VPS16: variants seen among roughly 807,000 people sequenced by gnomAD.
VPS16 encodes vacuolar protein sorting-associated protein 16 homolog.
VPS16 carries 82 observed loss-of-function variants against 116.0 expected under a neutral mutation model. The ratio of observed to expected loss-of-function variants is 0.71; its 90% CI spans 0.59 to 0.85. The LOEUF is 0.85. VPS16 is among the 40% of genes least tolerant of loss of function. VPS16 has a pLI of 0.00. For missense variants in VPS16, 928 were observed against 1,090.6 expected (o/e 0.85, Z 2.10); for synonymous variants, 406 against 420.7 (o/e 0.96, Z 0.43).
At chr20:2,846,392 C>T (rs1276068310) in intron 1 of VPS16, among the ~76,000 whole-genome samples, 4 of 152,046 alleles carry the variant, frequency 2.6e-5, no homozygotes, top group Admixed American at 6.5e-5. Flanking sequence ...GCTGGGATTA[C>T]AGGCATAAGC....
intron 1 of VPS16, among the ~76,000 whole-genome samples, chr20:2,844,491 G>A (rs1301494123): frequency 1.3e-5 from 2 of 152,136 alleles, no homozygotes; most frequent in Admixed American, 6.5e-5. Flanking sequence ...TAATTAATTT[G>A]TCCCATCCCT....
chr20:2,854,761 A>C (rs6051441), intron 1 of VPS16, among the ~76,000 whole-genome samples: 1 of 147,732 alleles, frequency 6.8e-6, no homozygotes, highest in Middle Eastern at 3.4e-3. Context: ...GCACCATTGC[A>C]CTCCAGCCTG....
rs2089280005 is a variant in VPS16 at position 2,863,969 on chromosome 20, A to G, written c.1497A>G (p.Ser499=). 2 of 1,614,092 alleles carry G rather than the reference A, an allele frequency of 1.2e-6. No individual in the cohort carries two copies. Among genetic ancestry groups the G allele is most frequent in the Non-Finnish European group, 1.7e-6 (2 of 1,179,952 alleles). Residue 499 remains serine (S), a synonymous_variant, in exon 16 of 24, where the codon TCA becomes TCG. Transcript: ENST00000380445. This position sits in a 1 kb window ranked among gnomAD's most constrained non-coding sequence, Gnocchi z 4.4. ...TGCAGGTGCAACAGAAGGATGTCTC[A>G]GATGAGGATGTGGCTCGAGCCATTA... The part of the protein sequence containing the change: ...ACYKVQQKDV[S]DEDVARAINQ...
intron 1 of VPS16, among the ~76,000 whole-genome samples, chr20:2,847,757 G>A (rs952041617): frequency 6.6e-6 from 1 of 151,478 alleles, no homozygotes; most frequent in African/African-American, 2.4e-5. Context: ...GATTACAGGC[G>A]TGAGCCACCG....
At position 2,841,179 on chromosome 20, in the gene VPS16, G is replaced by C. The variant is rs551363014; in HGVS notation, c.53+352G>C. 47 of 339,048 alleles carry C rather than the reference G, an allele frequency of 1.4e-4. 1 individual carries two copies. Among genetic ancestry groups the C allele is most frequent in the Admixed American group, 9.0e-4 (19 of 21,090 alleles). 21.0% of individuals were successfully genotyped at this position (339,048 alleles called of 1,614,324 possible). A position where few individuals can be genotyped will look rare whatever the true frequency, so the allele number is the denominator to read the frequency against. ...AGTCAGACCACAGGGGCGCTCCGAG[G>C]GGGGCGGGATCGCACGGCGGGCGGG... On this transcript the variant is annotated intron_variant, in intron 1 of 23. Coordinates refer to ENST00000380445, the MANE Select transcript of VPS16 (RefSeq NM_022575.4).
At chr20:2,842,741 T>TTG (rs2089003250) in intron 1 of VPS16, among the ~76,000 whole-genome samples, 1 of 22,382 alleles carries the variant, frequency 4.5e-5, no homozygotes, top group Non-Finnish European at 7.6e-5. Flanking sequence ...TATCTATAGA[T>TTG]ACATATAGAT....
chr20:2,862,759 G>GGGGGGGGGGGGGGGGGGGGC, intron 12 of VPS16, 48 bp from the exon 13 acceptor site: 1 of 777,194 alleles, frequency 1.3e-6, no homozygotes, highest in Non-Finnish European at 2.1e-6. Context: ...GAGGGGGTGG[G>GGGGGGGGGGGGGGGGGGGGC]ATGGGCAGCA....
chr20:2,849,447 T>A (rs1353913240), intron 1 of VPS16, among the ~76,000 whole-genome samples: 1 of 152,032 alleles, frequency 6.6e-6, no homozygotes, highest in East Asian at 1.9e-4. Flanking sequence ...ATTACAGGCA[T>A]GCGCCACCAC....
chr20:2,865,341 G>T lies in VPS16; in HGVS notation c.2174+24G>T. 6.2e-7 allele frequency: 1 copy of T among 1,614,122 alleles called. No homozygotes were observed. On this transcript the variant is annotated intron_variant, in intron 21 of 23. Transcript: ENST00000380445. The surrounding 1 kb of genome is among the most constrained non-coding windows in gnomAD (Gnocchi z 5.2). ...AGGTAGGTGAGGGCCCAGGCTGCATGTGGGTCCCAGGACCACCTGCCTCTC... is the reference window on the plus strand; with the variant it reads ...AGGTAGGTGAGGGCCCAGGCTGCATTTGGGTCCCAGGACCACCTGCCTCTC...
chr20:2,864,265 C>T lies in VPS16; in HGVS notation c.1698C>T (p.Ile566=), dbSNP rs2274671. The change falls in exon 17 of 24, where the codon ATC becomes ATT. Residue 566 remains isoleucine, a synonymous_variant. Coordinates refer to ENST00000380445, the MANE Select transcript of VPS16 (RefSeq NM_022575.4). The surrounding 1 kb of genome is among the most constrained non-coding windows in gnomAD (Gnocchi z 5.2). ...GCAAACTGGCACTAAGCAAGGCCAT[C>T]GAGAGCGGGGACACTGACCTGGGTG... ...KRSKLALSKA[I]ESGDTDLVFT... is the part of the protein sequence containing the mutation. 0.014 allele frequency: 22,456 copies of T among 1,614,148 alleles called. 999 individuals carry two copies. Among genetic ancestry groups the T allele is most frequent in the Admixed American group, 0.14 (8,255 of 60,008 alleles).
chr20:2,846,601 G>A (rs182119461), intron 1 of VPS16, among the ~76,000 whole-genome samples: 221 of 152,250 alleles, frequency 1.5e-3, no homozygotes, highest in Middle Eastern at 6.8e-3. Context: ...GGGATTTCAG[G>A]AGTGACAGTG....
chr20:2,847,794 A>G (rs185108648), intron 1 of VPS16, among the ~76,000 whole-genome samples: 24 of 151,718 alleles, frequency 1.6e-4, no homozygotes, highest in African/African-American at 5.8e-4. Flanking sequence ...CTCTCTTACC[A>G]TAAGCTCTTG....
chr20:2,862,628 G>T lies in VPS16; in HGVS notation c.1121G>T (p.Gly374Val). 1 of 1,613,602 alleles carries T rather than the reference G, an allele frequency of 6.2e-7. No individual in the cohort carries two copies. The highest frequency in any genetic ancestry group is 8.5e-7 in the Non-Finnish European group (1 of 1,180,008). The change falls in exon 12 of 24, where the codon GGC becomes GTC. Residue 374 changes from glycine (G) to valine (V), a missense_variant. Coordinates refer to ENST00000380445, the MANE Select transcript of VPS16 (RefSeq NM_022575.4). ...TACCTGCGGGAGATCCAGGAGCTGGGCCAGCTGACCCAGGCCGTGCAGCAG... is the reference window on the plus strand; with the variant it reads ...TACCTGCGGGAGATCCAGGAGCTGGTCCAGCTGACCCAGGCCGTGCAGCAG... ...DEYLREIQEL[G>V]QLTQAVQQCI...
At chr20:2,847,910 C>A (rs1447738136) in intron 1 of VPS16, among the ~76,000 whole-genome samples, 2 of 152,158 alleles carry the variant, frequency 1.3e-5, no homozygotes, top group South Asian at 4.1e-4. Flanking sequence ...CATGCAGAAC[C>A]CCCTTTTGTA....
In VPS16 at chr20:2,859,767, G is replaced by T; in HGVS notation, c.102G>T (p.Arg34Ser). The change falls in exon 2 of 24, where the codon AGG becomes AGT. Residue 34 changes from arginine to serine, a missense_variant. Arg to Ser is a moderately radical substitution (Grantham distance 110). Coordinates refer to ENST00000380445, the MANE Select transcript of VPS16 (RefSeq NM_022575.4). ...ACTGGGACCTGAAGGAGGAACTCAG[G>T]GATTGCCTGGTGGCTGCTGCACCCT... The part of the protein sequence containing the change: ...SMDWDLKEEL[R>S]DCLVAAAPYG... The T allele has an allele frequency of 6.2e-7, 1 of 1,613,248 alleles. No individual in the cohort carries two copies. The highest frequency in any genetic ancestry group is 8.5e-7 in the Non-Finnish European group (1 of 1,179,686).
At chr20:2,851,863 C>T (rs1239475862) in intron 1 of VPS16, among the ~76,000 whole-genome samples, 3 of 152,032 alleles carry the variant, frequency 2.0e-5, no homozygotes, top group Non-Finnish European at 2.9e-5. Flanking sequence ...CTCAGCTACT[C>T]AGGAGGCTGA....
chr20:2,862,973 G>A (rs775412396), intron 13 of VPS16, 39 bp downstream of exon 13: 2 of 1,613,746 alleles, frequency 1.2e-6, no homozygotes, highest in South Asian at 1.1e-5. Flanking sequence ...CTACAGCCAG[G>A]GGTGGCAGGG....
chr20:2,853,152 A>G (rs1020220894), intron 1 of VPS16, among the ~76,000 whole-genome samples: 3 of 152,172 alleles, frequency 2.0e-5, no homozygotes, highest in Admixed American at 6.6e-5. Flanking sequence ...GCACTTTAGG[A>G]GGCCAAGGTG....
At position 2,865,342 on chromosome 20, in the gene VPS16, TG is replaced by T; in HGVS notation, c.2174+28del. ...GGTAGGTGAGGGCCCAGGCTGCATG[TG>T]GGTCCCAGGACCACCTGCCTCTCCT... On this transcript the variant is annotated intron_variant, in intron 21 of 23. Transcript: ENST00000380445. This position sits in a 1 kb window ranked among gnomAD's most constrained non-coding sequence, Gnocchi z 5.2. 6.2e-7 allele frequency: 1 copy of T among 1,614,092 alleles called. No individual in the cohort carries two copies. The highest frequency in any genetic ancestry group is 8.5e-7 in the Non-Finnish European group (1 of 1,179,968).
Sources: gnomAD v4.1 joint callset for allele counts (sites outside exome capture counted in the v4.1 genomes callset) on GRCh38, gnomAD v4.1.1 for gene constraint, Gnocchi (gnomAD v3.1) non-coding constraint, MANE v1.5 for transcripts, NCBI Gene and HGNC (gene_info 2026-07-23, HGNC 2026-07-21) for gene names.